OTOF: variants seen among roughly 807,000 people sequenced by gnomAD.
The protein encoded by OTOF is otoferlin, also known as fer-1-like family member 2.
In OTOF, 218 loss-of-function variants were observed where a neutral mutation model predicts 236.8. The observed-to-expected ratio is 0.92, with a 90% CI of 0.82 to 1.03. The LOEUF is 1.03. Ranked by LOEUF, OTOF falls within the 50% of genes least tolerant of loss-of-function variation. The pLI, the probability that OTOF is intolerant of heterozygous loss-of-function variation, is 0.00. For missense variants in OTOF, 2,590 were observed against 2,694.4 expected (o/e 0.96, Z 0.86); for synonymous variants, 1,041 against 1,072.5 (o/e 0.97, Z 0.57).
At chr2:26,474,788 C>A in intron 25 of OTOF, 114 bp from the exon 26 acceptor site, 1 of 1,190,628 alleles carries the variant, frequency 8.4e-7, no homozygotes, top group Non-Finnish European at 1.2e-6. Context: ...GTGATCACCC[C>A]ATTTTACAGA....
At chr2:26,474,759 G>T in intron 25 of OTOF, 85 bp from the exon 26 acceptor site, 1 of 1,465,082 alleles carries the variant, frequency 6.8e-7, no homozygotes, top group Non-Finnish European at 9.6e-7. Flanking sequence ...AGCGCCATGA[G>T]TTGTTGTAAG....
intron 1 of OTOF, among the ~76,000 whole-genome samples, chr2:26,557,316 A>C (rs1368511623): frequency 6.6e-6 from 1 of 151,832 alleles, no homozygotes; most frequent in Non-Finnish European, 1.5e-5. Flanking sequence ...CCTCGTCCCC[A>C]TCCCACTCTC....
At chr2:26,488,755 C>A (rs1444732099) in intron 11 of OTOF, among the ~76,000 whole-genome samples, 2 of 152,184 alleles carry the variant, frequency 1.3e-5, no homozygotes, top group Admixed American at 1.3e-4. Flanking sequence ...TAAAAGGGGA[C>A]GGCAGGGTCC....
At position 26,477,627 on chromosome 2, in the gene OTOF, C is replaced by G. The variant is rs1284763967; in HGVS notation, c.2315+22G>C. 4 of 1,611,974 alleles carry G rather than the reference C, an allele frequency of 2.5e-6. No homozygotes were observed. In the Admixed American group the frequency reaches 6.7e-5, roughly 27 times the overall value. On this transcript the variant is annotated intron_variant, in intron 19 of 46. Coordinates refer to ENST00000272371, the MANE Select transcript of OTOF (RefSeq NM_194248.3). The surrounding 1 kb of genome is among the most constrained non-coding windows in gnomAD (Gnocchi z 4.7). ...CCAGTTCCGCCTCATCCTCCCCCCA[C>G]CTGCCGCCCCTCCCTTCTCACCAGC...
Position 26,457,762 on chromosome 2 carries a change from G to C in OTOF, c.*476C>G, listed in dbSNP as rs1340773467. On this transcript the variant is annotated 3_prime_UTR_variant, in exon 47 of 47. Coordinates refer to ENST00000272371, the MANE Select transcript of OTOF (RefSeq NM_194248.3). The surrounding 1 kb of genome is among the most constrained non-coding windows in gnomAD (Gnocchi z 4.4). Reference sequence around the variant, plus strand: ...TGGAGCCTGGGCCTGAAGAAGGGTGGCGCCTCAGCCAGGTGGGGCAAGAGA... The same window carrying C: ...TGGAGCCTGGGCCTGAAGAAGGGTGCCGCCTCAGCCAGGTGGGGCAAGAGA... 5 of 442,858 alleles carry C rather than the reference G, an allele frequency of 1.1e-5. No individual in the cohort carries two copies. The highest frequency in any genetic ancestry group is 2.0e-5 in the Non-Finnish European group (5 of 246,754). The allele number at this position is 442,858 out of a possible 1,614,324, so 27.4% of individuals were successfully genotyped here. A position where few individuals can be genotyped will look rare whatever the true frequency, so the allele number is the denominator to read the frequency against.
chr2:26,494,807 G>A, intron 9 of OTOF, 135 bp downstream of exon 9: 1 of 983,902 alleles, frequency 1.0e-6, no homozygotes, highest in South Asian at 1.3e-5. Flanking sequence ...CCTGGGGGTT[G>A]TAACAGGGTG....
chr2:26,477,281 A>C lies in OTOF; in HGVS notation c.2414T>G (p.Met805Arg). The C allele has an allele frequency of 3.1e-6, 5 of 1,609,378 alleles. No individual in the cohort carries two copies. The South Asian group carries it at 4.4e-5, about 14-fold the overall frequency. ...LKSCMRELEN[M>R]GQQARMLRAQ... ...CCGCAGCATCCTGGCCTGCTGCCCC[A>C]TGTTTTCCTGCGAAGGAGGGGGTGT... is the stretch of plus-strand genomic sequence containing the variant. The change falls in exon 21 of 47, where the codon ATG becomes AGG. Residue 805 changes from methionine to arginine, a missense_variant. By Grantham distance (91) the Met-to-Arg change is moderately conservative. Around this residue, in one of 2 missense-constraint regions of OTOF, gnomAD observed 1,379 missense variants for 1,341.6 expected, o/e 1.03. Transcript: ENST00000272371. This position sits in a 1 kb window ranked among gnomAD's most constrained non-coding sequence, Gnocchi z 4.7.
rs1379179636 is a variant in OTOF at position 26,462,224 on chromosome 2, G to T, written c.5193-43C>A. 2.6e-6 allele frequency: 4 copies of T among 1,550,786 alleles called. No individual in the cohort carries two copies. In the East Asian group the frequency reaches 6.7e-5, roughly 26 times the overall value. On this transcript the variant is annotated intron_variant, in intron 41 of 46. Transcript: ENST00000272371. The surrounding 1 kb of genome is among the most constrained non-coding windows in gnomAD (Gnocchi z 4.7). ...AGGCTGGTTAGCAGCCCCAGGTGGG[G>T]GTTATGCCAGGGTGCCAGGGCTGGG...
rs1664397931 is a variant in OTOF, at chr2:26,460,227, G to T, written c.5814-22C>A. ...CCGGCTGGAGTATGAAGGGTAGAGA[G>T]CGCAGAGGAGGGACAGGGAGGAGAA... On this transcript the variant is annotated intron_variant, in intron 45 of 46. Transcript: ENST00000272371. The surrounding 1 kb of genome is among the most constrained non-coding windows in gnomAD (Gnocchi z 5.3). 1.3e-6 allele frequency: 2 copies of T among 1,584,412 alleles called. No individual in the cohort carries two copies. The highest frequency in any genetic ancestry group is 1.3e-5 in the African/African-American group (1 of 74,378).
intron 4 of OTOF, among the ~76,000 whole-genome samples, chr2:26,517,058 G>C (rs1259171180): frequency 6.6e-6 from 1 of 152,208 alleles, no homozygotes; most frequent in African/African-American, 2.4e-5. Flanking sequence ...TGAGCTGAAA[G>C]TGGCCTCCGG....
At chr2:26,525,949 C>T (rs192144199) in intron 3 of OTOF, among the ~76,000 whole-genome samples, 27 of 151,786 alleles carry the variant, frequency 1.8e-4, no homozygotes, top group African/African-American at 4.8e-4. Context: ...TAGCTGGGCA[C>T]GGTGGTGAGC....
At chr2:26,558,294 GGGA>G (rs1188110900) in intron 1 of OTOF, among the ~76,000 whole-genome samples, 196 bp downstream of exon 1, 1 of 152,054 alleles carries the variant, frequency 6.6e-6, no homozygotes, top group Non-Finnish European at 1.5e-5. Flanking sequence ...GGAAGAACAG[GGGA>G]CCCTGATTTT....
intron 38 of OTOF, among the ~76,000 whole-genome samples, chr2:26,465,430 C>G (rs1664679026): frequency 6.6e-6 from 1 of 152,236 alleles, no homozygotes; most frequent in Non-Finnish European, 1.5e-5. Flanking sequence ...CCCACCTTCC[C>G]TAGCCCACTT....
intron 8 of OTOF, among the ~76,000 whole-genome samples, chr2:26,495,503 C>T (rs1402017041): frequency 6.6e-6 from 1 of 152,042 alleles, no homozygotes; most frequent in East Asian, 1.9e-4. Context: ...CGGCTCACTG[C>T]AACCCTCTGC....
chr2:26,514,823 C>T (rs1054651281), intron 5 of OTOF, among the ~76,000 whole-genome samples: 5 of 152,294 alleles, frequency 3.3e-5, no homozygotes, highest in South Asian at 2.1e-4. Context: ...GTGTGGCTTC[C>T]GATCTTGTTC....
Position 26,466,208 on chromosome 2 carries a change from G to T in OTOF, c.4501-132C>A. 17 of 1,137,380 alleles carry T rather than the reference G, an allele frequency of 1.5e-5. No homozygotes were observed. The South Asian group carries it at 2.1e-4, about 14-fold the overall frequency. The allele number at this position is 1,137,380 out of a possible 1,614,324, so 70.5% of individuals were successfully genotyped here. On this transcript the variant is annotated intron_variant, in intron 36 of 46. Transcript: ENST00000272371. ...GAGCACTGGACCCCTCAGGAGGCTT[G>T]CTGTGTGACCCTAGGCAAGTGGCTA...
intron 1 of OTOF, among the ~76,000 whole-genome samples, chr2:26,557,506 C>G (rs529366204): frequency 6.6e-6 from 1 of 152,154 alleles, no homozygotes; most frequent in East Asian, 1.9e-4. Flanking sequence ...GGTCCAGCCT[C>G]GCCTCCTTGC....
At chr2:26,519,155 G>A in intron 3 of OTOF, 46 bp from the exon 4 acceptor site, 1 of 1,286,118 alleles carries the variant, frequency 7.8e-7, no homozygotes, top group Non-Finnish European at 1.1e-6. Context: ...AAGAGACCAG[G>A]GTGAGGAGCA....
In OTOF at chr2:26,528,001, G is replaced by T. The variant is rs752325598; in HGVS notation, c.139-81C>A. On this transcript the variant is annotated intron_variant, in intron 2 of 46. Coordinates refer to ENST00000272371, the MANE Select transcript of OTOF (RefSeq NM_194248.3). ...GGTGTGGGAGGGGAATCTCTTGTGG[G>T]GATCTCCAACAGTCAGAGTGGCCCC... The T allele has an allele frequency of 1.1e-5, 11 of 993,426 alleles. No individual in the cohort carries two copies. The Admixed American group carries it at 2.0e-4, about 18-fold the overall frequency. 61.5% of individuals were successfully genotyped at this position (993,426 alleles called of 1,614,324 possible). A position where few individuals can be genotyped will look rare whatever the true frequency, so the allele number is the denominator to read the frequency against.
Sources: gnomAD v4.1 joint callset for allele counts (sites outside exome capture counted in the v4.1 genomes callset) on GRCh38, gnomAD v4.1.1 for gene constraint, gnomAD v4.1.1 regional missense constraint, Gnocchi (gnomAD v3.1) non-coding constraint, MANE v1.5 for transcripts, NCBI Gene and HGNC (gene_info 2026-07-23, HGNC 2026-07-21) for gene names.